The following MME variants were observed in gnomAD, a reference collection of about 807,000 sequenced individuals.
The protein encoded by MME is membrane metalloendopeptidase.
In MME, 98 loss-of-function variants were observed where a neutral mutation model predicts 113.2. The observed-to-expected ratio is 0.87, with a 90% CI of 0.74 to 1.02. The LOEUF is 1.02. Ranked by LOEUF, MME falls within the 50% of genes least tolerant of loss-of-function variation. MME has a pLI of 0.00. For missense variants in MME, 836 were observed against 896.0 expected (o/e 0.93, Z 0.86); for synonymous variants, 292 against 300.6 (o/e 0.97, Z 0.30).
Position 155,045,418 on chromosome 3 carries a change from G to A in MME, c.-11+21094G>A, listed in dbSNP as rs188261507. Reference sequence around the variant, plus strand: ...CCACCTCAGCCTCCCAAAGTTCTGGGATTACAGGTGTGAGCCACCACGCCT... The same window carrying A: ...CCACCTCAGCCTCCCAAAGTTCTGGAATTACAGGTGTGAGCCACCACGCCT... On this transcript the variant is annotated intron_variant, in intron 1 of 22. Transcript: ENST00000492661. Among the ~76,000 whole-genome samples, 253 of 152,034 alleles carry A rather than the reference G, an allele frequency of 1.7e-3. 1 individual carries two copies. Among genetic ancestry groups the A allele is most frequent in the African/African-American group, 5.9e-3 (245 of 41,474 alleles).
At position 155,172,416 on chromosome 3, in the gene MME, C is replaced by T. The variant is rs554536383; in HGVS notation, c.2077-120C>T. On this transcript the variant is annotated intron_variant, in intron 21 of 22. Transcript: ENST00000360490. The stretch of plus-strand genomic sequence containing the variant: ...CTTTCATTGAACATTATTTGAAGAG[C>T]GAATGGTTGAGGAATGCAGAATTCC... 37 of 878,218 alleles carry T rather than the reference C, an allele frequency of 4.2e-5. 1 individual carries two copies. Among genetic ancestry groups the T allele is most frequent in the African/African-American group, 4.9e-5 (3 of 60,680 alleles). 54.4% of individuals were successfully genotyped at this position (878,218 alleles called of 1,614,324 possible).
intron 1 of MME, among the ~76,000 whole-genome samples, chr3:155,044,671 T>C (rs750500977): frequency 6.6e-6 from 1 of 152,132 alleles, no homozygotes; most frequent in Non-Finnish European, 1.5e-5. Context: ...GGAATGTTTA[T>C]AGTGTTTCTC....
intron 1 of MME, among the ~76,000 whole-genome samples, chr3:155,036,541 G>C (rs1185111618): frequency 2.0e-5 from 3 of 151,738 alleles, no homozygotes; most frequent in African/African-American, 7.3e-5. Context: ...TAATTCTTTG[G>C]GTTGACTTCT....
intron 1 of MME, among the ~76,000 whole-genome samples, chr3:155,038,041 G>A (rs913450359): frequency 3.3e-5 from 5 of 152,122 alleles, no homozygotes; most frequent in Non-Finnish European, 7.4e-5. Context: ...TGATGTAAAC[G>A]TTGGAGACAG....
chr3:155,102,085 T>C (rs1004914689), intron 3 of MME, among the ~76,000 whole-genome samples: 1 of 152,208 alleles, frequency 6.6e-6, no homozygotes, highest in Non-Finnish European at 1.5e-5. Context: ...AAAAAAATTT[T>C]AGATCCTGCC....
chr3:155,154,867 G>A (rs1010833895), intron 16 of MME, among the ~76,000 whole-genome samples: 14 of 152,142 alleles, frequency 9.2e-5, no homozygotes, highest in Non-Finnish European at 1.5e-4. Context: ...AAATGTAGAC[G>A]GAGATGATTT....
rs149335593 is a variant in MME at position 155,045,358 on chromosome 3, C to T, written c.-11+21034C>T. Among the ~76,000 whole-genome samples the T allele has an allele frequency of 3.2e-3, 483 of 151,962 alleles. 5 individuals carry two copies. Among genetic ancestry groups the T allele is most frequent in the African/African-American group, 0.011 (476 of 41,450 alleles). The stretch of plus-strand genomic sequence containing the variant: ...GGAGACAGGGTTTCTCCATGTTGGC[C>T]GGGATGGTCTCCATCTCCTGACCTC... On this transcript the variant is annotated intron_variant, in intron 1 of 22. Coordinates refer to the MME transcript ENST00000492661.
At chr3:155,147,424 G>T (rs886640363) in intron 15 of MME, among the ~76,000 whole-genome samples, 200 bp downstream of exon 15, 2 of 152,038 alleles carry the variant, frequency 1.3e-5, no homozygotes, top group Non-Finnish European at 2.9e-5. Flanking sequence ...TTTGGTTATT[G>T]TTCATTTGGT....
At chr3:155,109,632 T>A (rs1718008956) in intron 3 of MME, among the ~76,000 whole-genome samples, 1 of 152,218 alleles carries the variant, frequency 6.6e-6, no homozygotes, top group Non-Finnish European at 1.5e-5. Flanking sequence ...TTCTCGATTG[T>A]CTAATGTGGT....
At chr3:155,056,537 G>A (rs9826706) in intron 1 of MME, among the ~76,000 whole-genome samples, 114,671 of 144,130 alleles carry the variant, frequency 0.8, 46,011 homozygotes, top group African/African-American at 0.88. Flanking sequence ...ATAGTATTCC[G>A]TGGTGTATAT....
chr3:155,108,531 G>A (rs1322391902), intron 3 of MME, among the ~76,000 whole-genome samples: 1 of 151,962 alleles, frequency 6.6e-6, no homozygotes, highest in African/African-American at 2.4e-5. Context: ...GGGAGGCAGA[G>A]GTTGCAGTGA....
chr3:155,147,418 G>A (rs1048438141), intron 15 of MME, among the ~76,000 whole-genome samples, 194 bp downstream of exon 15: 1 of 152,100 alleles, frequency 6.6e-6, no homozygotes, highest in African/African-American at 2.4e-5. Flanking sequence ...ACTATATTTG[G>A]TTATTGTTCA....
At chr3:155,142,925 A>G (rs1191899239) in intron 12 of MME, among the ~76,000 whole-genome samples, 1 of 152,166 alleles carries the variant, frequency 6.6e-6, no homozygotes, top group Non-Finnish European at 1.5e-5. Context: ...TCTAGTTTTT[A>G]TCCTTAAAAA....
At chr3:155,046,763 G>C (rs1433259566) in intron 1 of MME, among the ~76,000 whole-genome samples, 1 of 152,004 alleles carries the variant, frequency 6.6e-6, no homozygotes, top group Non-Finnish European at 1.5e-5. Flanking sequence ...GTAGGCCTAG[G>C]GTTAATATGT....
At chr3:155,109,644 G>C (rs1006754905) in intron 3 of MME, among the ~76,000 whole-genome samples, 1 of 152,080 alleles carries the variant, frequency 6.6e-6, no homozygotes, top group Non-Finnish European at 1.5e-5. Context: ...TAATGTGGTG[G>C]TTCCCCCTGA....
At chr3:155,064,147 G>A (rs144398683) in intron 1 of MME, among the ~76,000 whole-genome samples, 42 of 152,008 alleles carry the variant, frequency 2.8e-4, no homozygotes, top group Middle Eastern at 3.4e-3. Context: ...AAAATTAGCC[G>A]GGCATGGGGC....
intron 3 of MME, among the ~76,000 whole-genome samples, chr3:155,105,287 A>G (rs1717594689): frequency 6.6e-6 from 1 of 152,218 alleles, no homozygotes; most frequent in African/African-American, 2.4e-5. Context: ...AGAGCAATTA[A>G]TATTTTAATT....
intron 22 of MME, among the ~76,000 whole-genome samples, chr3:155,176,385 A>G (rs1712519102): frequency 6.6e-6 from 1 of 152,240 alleles, no homozygotes; most frequent in Admixed American, 6.5e-5. Flanking sequence ...AAGCTTTATT[A>G]TCTTCTGTTA....
intron 1 of MME, among the ~76,000 whole-genome samples, chr3:155,062,174 T>G (rs1292629291): frequency 6.6e-6 from 1 of 152,194 alleles, no homozygotes; most frequent in East Asian, 1.9e-4. Flanking sequence ...AATTCTATTG[T>G]TTTACATATT....
Sources: allele counts gnomAD v4.1 joint callset (sites outside exome capture counted in the v4.1 genomes callset), GRCh38; gene constraint gnomAD v4.1.1; transcripts MANE v1.5; gene names NCBI Gene and HGNC (gene_info 2026-07-23, HGNC 2026-07-21).